Variants in DSCAM observed in about 807,000 individuals in gnomAD.
The protein encoded by DSCAM is DS cell adhesion molecule, also known as cell adhesion molecule DSCAM.
Under a neutral mutation model 217.7 loss-of-function variants are expected in DSCAM, and 47 were observed. That is an observed-to-expected ratio of 0.22 (90% CI 0.17 to 0.28). DSCAM has a LOEUF of 0.28. DSCAM is among the 10% of genes least tolerant of loss of function. DSCAM has a pLI of 1.00. For synonymous variants in DSCAM, 1,056 were observed against 1,015.3 expected, an observed-to-expected ratio of 1.04 and a Z score of -0.76; for missense variants, 2,080 against 2,618.3, an observed-to-expected ratio of 0.79 and a Z score of 4.49.
At chr21:40,212,357 G>T (rs2091194127) in intron 11 of DSCAM, 1 of 154,136 alleles carries the variant, frequency 6.5e-6, no homozygotes, top group Admixed American at 6.5e-5. Context: ...GCATAGCCAT[G>T]GGGTTTAGAT....
intron 16 of DSCAM, among the ~76,000 whole-genome samples, chr21:40,160,048 G>A (rs1445088682): frequency 3.3e-5 from 5 of 152,138 alleles, no homozygotes; most frequent in Admixed American, 6.5e-5. Flanking sequence ...GATCCAAATC[G>A]GGGTTGTTAA....
intron 21 of DSCAM, among the ~76,000 whole-genome samples, chr21:40,093,508 C>G (rs531751753): frequency 1.3e-5 from 2 of 152,184 alleles, no homozygotes; most frequent in Non-Finnish European, 2.9e-5. Context: ...TGTAAGGCCA[C>G]TCATTCTCAG....
At chr21:40,481,274 G>A (rs1761806351) in intron 3 of DSCAM, among the ~76,000 whole-genome samples, 1 of 152,100 alleles carries the variant, frequency 6.6e-6, no homozygotes, top group African/African-American at 2.4e-5. Context: ...CAGATCACAA[G>A]GTCAGGAGAT....
chr21:40,444,431 T>C (rs1032674403), intron 3 of DSCAM, among the ~76,000 whole-genome samples: 9 of 152,128 alleles, frequency 5.9e-5, no homozygotes, highest in Non-Finnish European at 1.2e-4. Context: ...GAGAATCAAG[T>C]AGGGCCAATC....
chr21:40,227,838 A>C (rs1027311300), intron 11 of DSCAM, among the ~76,000 whole-genome samples: 4 of 152,190 alleles, frequency 2.6e-5, no homozygotes, highest in Non-Finnish European at 5.9e-5. Flanking sequence ...ATGACTATTA[A>C]TGCATTGTTA....
At chr21:40,514,532 G>C (rs1021339844) in intron 3 of DSCAM, among the ~76,000 whole-genome samples, 1 of 152,110 alleles carries the variant, frequency 6.6e-6, no homozygotes, top group African/African-American at 2.4e-5. Flanking sequence ...GCATAAAATG[G>C]ATTATGCAAT....
intron 6 of DSCAM, among the ~76,000 whole-genome samples, chr21:40,342,966 A>T (rs949654202): frequency 6.6e-6 from 1 of 151,652 alleles, no homozygotes; most frequent in Non-Finnish European, 1.5e-5. Flanking sequence ...ATATCTTTTC[A>T]ATTTTTTAGG....
chr21:40,682,351 G>A (rs1446122680), intron 3 of DSCAM, among the ~76,000 whole-genome samples: 1 of 151,738 alleles, frequency 6.6e-6, no homozygotes, highest in Non-Finnish European at 1.5e-5. Context: ...TTCTGAGAGG[G>A]GAAGATGCAA....
intron 16 of DSCAM, among the ~76,000 whole-genome samples, chr21:40,154,795 G>C (rs1042795819): frequency 3.3e-5 from 5 of 152,196 alleles, no homozygotes; most frequent in African/African-American, 7.2e-5. Context: ...TTCAGTTTGA[G>C]AAATAAATGA....
At chr21:40,432,260 A>C (rs2075541798) in intron 3 of DSCAM, among the ~76,000 whole-genome samples, 1 of 124,888 alleles carries the variant, frequency 8.0e-6, no homozygotes, top group African/African-American at 2.7e-5. Flanking sequence ...TCTGATAGTC[A>C]AAAGGCTAAA....
At position 40,109,650 on chromosome 21, in the gene DSCAM, G is replaced by A. The variant is rs535214651; in HGVS notation, c.3696+14545C>T. The stretch of plus-strand genomic sequence containing the variant: ...CTCACCCAGGAAGCACAAGGGTTCA[G>A]GGGATTCCCTTTCCTAGTTAAAGAA... On this transcript the variant is annotated intron_variant, in intron 20 of 32. Coordinates refer to ENST00000400454, the MANE Select transcript of DSCAM (RefSeq NM_001389.5). 2.6e-5 allele frequency among the ~76,000 whole-genome samples: 4 copies of A among 152,356 alleles called. No homozygotes were observed. The South Asian group carries it at 8.3e-4, about 32-fold the overall frequency.
At chr21:40,685,230 G>A (rs900929575) in intron 3 of DSCAM, among the ~76,000 whole-genome samples, 12 of 152,212 alleles carry the variant, frequency 7.9e-5, no homozygotes, top group African/African-American at 2.9e-4. Context: ...GCATGGCACA[G>A]AGAAGAGTTA....
intron 12 of DSCAM, among the ~76,000 whole-genome samples, 195 bp downstream of exon 12, chr21:40,188,847 A>T (rs1264666555): frequency 6.7e-6 from 1 of 149,934 alleles, no homozygotes; most frequent in Non-Finnish European, 1.5e-5. Flanking sequence ...CCCTATTCTT[A>T]ATAACACTTA....
intron 3 of DSCAM, among the ~76,000 whole-genome samples, chr21:40,393,117 T>C (rs2075148968): frequency 6.6e-6 from 1 of 152,204 alleles, no homozygotes; most frequent in Non-Finnish European, 1.5e-5. Context: ...CAAAGTCTTC[T>C]TGGATGAAAG....
At chr21:40,414,473 G>A (rs1039874547) in intron 3 of DSCAM, among the ~76,000 whole-genome samples, 1 of 152,186 alleles carries the variant, frequency 6.6e-6, no homozygotes, top group Non-Finnish European at 1.5e-5. Context: ...AAAACGTACT[G>A]TGAAGAACTG....
intron 3 of DSCAM, among the ~76,000 whole-genome samples, chr21:40,627,154 TAGAC>T (rs1477536089): frequency 6.6e-6 from 1 of 152,102 alleles, no homozygotes; most frequent in Non-Finnish European, 1.5e-5. Flanking sequence ...CTCTCCATAA[TAGAC>T]AGCCACACGT....
intron 11 of DSCAM, among the ~76,000 whole-genome samples, chr21:40,263,615 A>G (rs1164137988): frequency 6.6e-6 from 1 of 152,222 alleles, no homozygotes; most frequent in African/African-American, 2.4e-5. Flanking sequence ...AGTCTGAAAG[A>G]TCAGAAGTTG....
intron 3 of DSCAM, among the ~76,000 whole-genome samples, chr21:40,621,577 G>A (rs2089517993): frequency 6.7e-6 from 1 of 148,424 alleles, no homozygotes; most frequent in Non-Finnish European, 1.5e-5. Context: ...TTCTGCTTGG[G>A]GACCAGATGG....
intron 1 of DSCAM, among the ~76,000 whole-genome samples, chr21:40,755,886 T>C (rs1273986128): frequency 1.3e-5 from 2 of 152,224 alleles, no homozygotes; most frequent in African/African-American, 2.4e-5. Context: ...ACTTCTCTAC[T>C]CCTAGAATCT....
Sources: gnomAD v4.1 joint callset for allele counts (sites outside exome capture counted in the v4.1 genomes callset) on GRCh38, gnomAD v4.1.1 for gene constraint, MANE v1.5 for transcripts, NCBI Gene and HGNC (gene_info 2026-07-23, HGNC 2026-07-21) for gene names.